Variants in LGMN observed in about 807,000 individuals in gnomAD.
The protein encoded by LGMN is legumain.
Under a neutral mutation model 56.8 loss-of-function variants are expected in LGMN, and 36 were observed. The observed-to-expected ratio is 0.63, with a 90% confidence interval of 0.49 to 0.84. The LOEUF is 0.84. Among genes scored for constraint, LGMN ranks in the 40% least tolerant of loss-of-function variants. The probability of loss-of-function intolerance (pLI) is 0.00; values close to 1 mark genes in which losing one functional copy is unlikely to be tolerated. For synonymous variants in LGMN, 199 were observed against 210.1 expected (o/e 0.95, Z 0.46); for missense variants, 446 against 556.1 (o/e 0.80, Z 1.99).
chr14:92,727,331 G>A (rs533563174), intron 2 of LGMN, among the ~76,000 whole-genome samples: 18 of 150,884 alleles, frequency 1.2e-4, no homozygotes, highest in Non-Finnish European at 7.4e-5. Context: ...TCGAGAGGCT[G>A]AGGCACGAGA....
intron 1 of LGMN, among the ~76,000 whole-genome samples, chr14:92,740,768 C>T (rs997669470): frequency 6.6e-6 from 1 of 152,200 alleles, no homozygotes; most frequent in Non-Finnish European, 1.5e-5. Flanking sequence ...TACACAAAGT[C>T]AAAGTCAATG....
chr14:92,719,791 G>C (rs995085471), intron 2 of LGMN, among the ~76,000 whole-genome samples: 1 of 152,206 alleles, frequency 6.6e-6, no homozygotes, highest in South Asian at 2.1e-4. Flanking sequence ...CTTATCTCAG[G>C]TGAAACATAC....
In LGMN at chr14:92,735,048, T is replaced by C. The variant is rs536570079; in HGVS notation, c.-29-2233A>G. On this transcript the variant is annotated intron_variant, in intron 1 of 13. Transcript: ENST00000334869. ...GAAACCATCTTCAATGTTCTGAGTC[T>C]AGCCCTCAAAGCGATGGATTTCCTC... is the stretch of plus-strand genomic sequence containing the variant. Among the ~76,000 whole-genome samples the C allele has an allele frequency of 8.5e-5, 13 of 152,330 alleles. 1 individual carries two copies. The South Asian group carries it at 2.7e-3, about 32-fold the overall frequency.
intron 10 of LGMN, 66 bp from the exon 11 acceptor site, chr14:92,709,938 G>T (rs1342377983): frequency 3.0e-5 from 39 of 1,304,956 alleles, no homozygotes; most frequent in Non-Finnish European, 4.0e-5. Flanking sequence ...AGGCCAGAGA[G>T]AGAGGGAGAG....
intron 8 of LGMN, 94 bp from the exon 9 acceptor site, chr14:92,712,049 C>T (rs981599392): frequency 2.1e-6 from 2 of 944,376 alleles, no homozygotes; most frequent in Non-Finnish European, 3.4e-6. Flanking sequence ...CCGGTGAAAT[C>T]GAAGCATGCT....
rs571704741 is a variant in LGMN, at chr14:92,729,787, G to A, written c.138+2862C>T. 9.2e-5 allele frequency among the ~76,000 whole-genome samples: 14 copies of A among 152,304 alleles called. No homozygotes were observed. In the South Asian group the frequency reaches 2.1e-3, roughly 23 times the overall value. The stretch of plus-strand genomic sequence containing the variant: ...AAAGTCAAGAAGGCAAATGGCAGCC[G>A]GCTGAGGACAGAAGCAGCCCCTTGG... On this transcript the variant is annotated intron_variant, in intron 2 of 13. Transcript: ENST00000334869.
intron 13 of LGMN, 29 bp from the exon 14 acceptor site, chr14:92,704,390 G>T: frequency 6.4e-7 from 1 of 1,562,100 alleles, no homozygotes; most frequent in Non-Finnish European, 8.8e-7. Flanking sequence ...AGAACTTGGT[G>T]AACCGTGTCA....
At chr14:92,719,323 G>GCCGCCGCCACCGCCA (rs1890319984) in intron 2 of LGMN, among the ~76,000 whole-genome samples, 1 of 41,636 alleles carries the variant, frequency 2.4e-5, no homozygotes, top group African/African-American at 8.1e-5. Flanking sequence ...CGCCGCCGCC[G>GCCGCCGCCACCGCCA]CCACCGCCAC....
intron 2 of LGMN, among the ~76,000 whole-genome samples, chr14:92,722,480 G>A (rs1890525906): frequency 6.6e-6 from 1 of 152,102 alleles, no homozygotes; most frequent in South Asian, 2.1e-4. Context: ...CTACTCGGGA[G>A]GCTGAGGCAG....
chr14:92,720,022 A>G (rs79926401), intron 2 of LGMN, among the ~76,000 whole-genome samples: 3,196 of 152,332 alleles, frequency 0.021, 122 homozygotes, highest in African/African-American at 0.073. Flanking sequence ...TAAAGCTCAT[A>G]AAACATGCAG....
rs201993635 is a variant in LGMN, at chr14:92,732,634, T to G, written c.138+15A>C. ...CCAGTGTCCTTAACAAAAAAAAGAT[T>G]AGTCATTTTCTTACCTGGTGCCTAT... On this transcript the variant is annotated intron_variant, in intron 2 of 13. Coordinates refer to ENST00000334869, the MANE Select transcript of LGMN (RefSeq NM_005606.7). 1 of 1,612,456 alleles carries G rather than the reference T, an allele frequency of 6.2e-7. No individual in the cohort carries two copies. The highest frequency in any genetic ancestry group is 8.5e-7 in the Non-Finnish European group (1 of 1,179,460).
intron 1 of LGMN, among the ~76,000 whole-genome samples, chr14:92,740,040 C>T (rs1261365158): frequency 2.6e-5 from 4 of 152,132 alleles, no homozygotes; most frequent in Admixed American, 6.5e-5. Flanking sequence ...CACCTGAGGT[C>T]GGGAGTTCAA....
At chr14:92,722,983 G>A (rs1261440602) in intron 2 of LGMN, among the ~76,000 whole-genome samples, 1 of 152,116 alleles carries the variant, frequency 6.6e-6, no homozygotes, top group Non-Finnish European at 1.5e-5. Context: ...CCGCGATTTT[G>A]GAAACGAGCG....
intron 2 of LGMN, among the ~76,000 whole-genome samples, chr14:92,719,333 C>T (rs1359611656): frequency 9.2e-6 from 1 of 108,772 alleles, no homozygotes; most frequent in East Asian, 3.8e-4. Context: ...GCCACCGCCA[C>T]CGCCATCACC....
chr14:92,741,337 T>G (rs1891545967), intron 1 of LGMN: 1 of 152,214 alleles, frequency 6.6e-6, no homozygotes, highest in South Asian at 2.1e-4. Flanking sequence ...CACAGGGCCA[T>G]CTAAGTAGCA....
chr14:92,727,675 G>A (rs952653396), intron 2 of LGMN, among the ~76,000 whole-genome samples: 6 of 152,184 alleles, frequency 3.9e-5, no homozygotes, highest in East Asian at 1.9e-4. Context: ...TCAAACCCAC[G>A]TCAAGCCTCT....
intron 13 of LGMN, 121 bp downstream of exon 13, chr14:92,704,519 A>T: frequency 1.9e-6 from 2 of 1,076,498 alleles, no homozygotes; most frequent in Non-Finnish European, 1.4e-6. Context: ...AAATGGCTGT[A>T]GAGGAAAGCT....
rs937595337 is a variant in LGMN at position 92,732,941 on chromosome 14, G to C, written c.-29-126C>G. On this transcript the variant is annotated intron_variant, in intron 1 of 13. Coordinates refer to ENST00000334869, the MANE Select transcript of LGMN (RefSeq NM_005606.7). ...CGAGGAGGGTGGATCAAGAGGTCAG[G>C]AGTTTGAGATCAGCTTGGCCAACAT... The C allele has an allele frequency of 1.2e-5, 8 of 647,890 alleles. No individual in the cohort carries two copies. The Admixed American group carries it at 2.7e-4, about 22-fold the overall frequency. 40.1% of individuals were successfully genotyped at this position (647,890 alleles called of 1,614,324 possible).
chr14:92,716,361 C>T (rs1322942026), intron 4 of LGMN, 140 bp from the exon 5 acceptor site: 2 of 681,226 alleles, frequency 2.9e-6, no homozygotes, highest in South Asian at 1.5e-5. Context: ...GGTCGGGTGC[C>T]GTGGCTCACG....
Sources: allele counts gnomAD v4.1 joint callset (sites outside exome capture counted in the v4.1 genomes callset), GRCh38; gene constraint gnomAD v4.1.1; transcripts MANE v1.5; gene names NCBI Gene and HGNC (gene_info 2026-07-23, HGNC 2026-07-21).